The following CMSS1 variants were observed in gnomAD, a reference collection of about 807,000 sequenced individuals.
The protein encoded by CMSS1 is cms1 ribosomal small subunit homolog.
A neutral mutation model predicts 43.5 loss-of-function variants in CMSS1; 33 were observed. The ratio of observed to expected loss-of-function variants is 0.76; its 90% CI spans 0.57 to 1.01. The LOEUF (loss-of-function observed/expected upper bound fraction) is 1.01. CMSS1 is among the 50% of genes least tolerant of loss of function. The pLI is 0.00. For synonymous variants in CMSS1, 115 were observed against 117.2 expected (o/e 0.98, Z 0.12); for missense variants, 313 against 326.4 (o/e 0.96, Z 0.32).
intron 1 of CMSS1, among the ~76,000 whole-genome samples, chr3:99,914,339 T>C (rs1706885436): frequency 6.6e-6 from 1 of 152,168 alleles, no homozygotes; most frequent in African/African-American, 2.4e-5. Flanking sequence ...CTGAATTTGA[T>C]AGGGAAAAGG....
intron 1 of CMSS1, among the ~76,000 whole-genome samples, chr3:100,031,304 T>G (rs187200796): frequency 5.9e-5 from 9 of 152,136 alleles, no homozygotes; most frequent in African/African-American, 2.2e-4. Context: ...CTCCATAGGT[T>G]TAAAACAGTA....
chr3:99,969,290 T>C (rs142865688), intron 1 of CMSS1, among the ~76,000 whole-genome samples: 19 of 152,338 alleles, frequency 1.2e-4, no homozygotes, highest in African/African-American at 4.6e-4. Context: ...CAGAGAAGGA[T>C]GTAGCCTTGT....
chr3:100,121,254 C>A (rs188235812), intron 1 of CMSS1, among the ~76,000 whole-genome samples: 1 of 150,080 alleles, frequency 6.7e-6, no homozygotes, highest in Non-Finnish European at 1.5e-5. Flanking sequence ...CCCCCCACCC[C>A]CCTACAGGCC....
intron 1 of CMSS1, among the ~76,000 whole-genome samples, chr3:100,131,576 C>T (rs1239827864): frequency 2.6e-5 from 4 of 152,162 alleles, no homozygotes; most frequent in Admixed American, 2.6e-4. Context: ...TCTACTGACC[C>T]CCATCCAGCC....
chr3:100,056,318 T>C lies in CMSS1; in HGVS notation c.65-90655T>C, dbSNP rs910388889. On this transcript the variant is annotated intron_variant, in intron 1 of 9. Transcript: ENST00000421999. ...AGTCTCCAATGCATCCTTCCATAAA[T>C]ATTGTTACATTTTCCAGACCTTACA... Among the ~76,000 whole-genome samples, 11 of 152,204 alleles carry C rather than the reference T, an allele frequency of 7.2e-5. 1 individual carries two copies. The highest frequency in any genetic ancestry group is 7.2e-4 in the Admixed American group (11 of 15,290).
intron 1 of CMSS1, among the ~76,000 whole-genome samples, chr3:99,879,314 A>G (rs942943831): frequency 2.0e-5 from 3 of 152,264 alleles, no homozygotes; most frequent in Admixed American, 6.5e-5. Context: ...AGACAGCTTA[A>G]TATCACCAGT....
rs1401634383 is a variant in CMSS1, at chr3:99,975,482, C to T, written c.64+157439C>T. 5.9e-5 allele frequency among the ~76,000 whole-genome samples: 9 copies of T among 152,036 alleles called. No homozygotes were observed. In the East Asian group the frequency reaches 1.7e-3, roughly 29 times the overall value. On this transcript the variant is annotated intron_variant, in intron 1 of 9. Coordinates refer to ENST00000421999, the MANE Select transcript of CMSS1 (RefSeq NM_032359.4). ...TGGCGGGCGCCTGTAATCCCAGCTACTCGGGAGGCTGAGGCAGGAGAATTG... is the reference window on the plus strand; with the variant it reads ...TGGCGGGCGCCTGTAATCCCAGCTATTCGGGAGGCTGAGGCAGGAGAATTG...
At chr3:99,955,955 T>A (rs1467391015) in intron 1 of CMSS1, among the ~76,000 whole-genome samples, 1 of 152,196 alleles carries the variant, frequency 6.6e-6, no homozygotes, top group African/African-American at 2.4e-5. Flanking sequence ...TGTTATGACG[T>A]ATTTACTTGC....
chr3:99,929,747 C>G (rs190967891), intron 1 of CMSS1: 1 of 748,928 alleles, frequency 1.3e-6, no homozygotes, highest in Non-Finnish European at 2.1e-6. Context: ...GCTTTAAGTG[C>G]GTTAGAAAGT....
At chr3:99,943,790 A>G (rs1707923496) in intron 1 of CMSS1, among the ~76,000 whole-genome samples, 1 of 152,224 alleles carries the variant, frequency 6.6e-6, no homozygotes, top group African/African-American at 2.4e-5. Context: ...AATAAACAGC[A>G]TGGTAGACAG....
chr3:99,842,934 T>TG (rs1559652376), intron 1 of CMSS1, among the ~76,000 whole-genome samples: 1 of 152,210 alleles, frequency 6.6e-6, no homozygotes, highest in Non-Finnish European at 1.5e-5. Context: ...GCATTGCCTT[T>TG]GGGGGATGGC....
intron 1 of CMSS1, among the ~76,000 whole-genome samples, chr3:99,956,889 G>A (rs970057970): frequency 1.1e-4 from 17 of 151,932 alleles, no homozygotes; most frequent in East Asian, 7.7e-4. Flanking sequence ...TCCCACCCCC[G>A]ACTTACAGTC....
chr3:99,948,430 C>A (rs1250421380), intron 1 of CMSS1, among the ~76,000 whole-genome samples: 1 of 150,402 alleles, frequency 6.6e-6, no homozygotes, highest in Non-Finnish European at 1.5e-5. Flanking sequence ...CCCATCTACT[C>A]GTGAGGCTGA....
chr3:99,978,872 G>T (rs537840634), intron 1 of CMSS1, among the ~76,000 whole-genome samples: 2 of 151,818 alleles, frequency 1.3e-5, no homozygotes, highest in Non-Finnish European at 2.9e-5. Flanking sequence ...GCAACAGAGC[G>T]AGACTCTTGT....
At chr3:99,891,407 A>G (rs368512083) in intron 1 of CMSS1, among the ~76,000 whole-genome samples, 6 of 152,202 alleles carry the variant, frequency 3.9e-5, no homozygotes, top group African/African-American at 1.4e-4. Context: ...ACATTCTCAA[A>G]GCAAAAACCA....
At chr3:99,830,683 C>G in intron 1 of CMSS1, 1 of 429,640 alleles carries the variant, frequency 2.3e-6, no homozygotes. Flanking sequence ...GACATGGAGT[C>G]AGTTTGGAGG....
chr3:100,122,707 C>T, intron 1 of CMSS1, among the ~76,000 whole-genome samples: 1 of 152,198 alleles, frequency 6.6e-6, no homozygotes. Context: ...GTGTGCCAAA[C>T]CTGGTGTTTT....
intron 1 of CMSS1, among the ~76,000 whole-genome samples, chr3:99,901,067 G>A (rs1706419759): frequency 6.6e-6 from 1 of 152,212 alleles, no homozygotes; most frequent in Admixed American, 6.5e-5. Flanking sequence ...AACATTTGGT[G>A]TGGAATTTAC....
intron 1 of CMSS1, chr3:99,849,445 G>T: frequency 6.2e-7 from 1 of 1,614,056 alleles, no homozygotes; most frequent in Non-Finnish European, 8.5e-7. Context: ...TTGCAGGACT[G>T]AGTGATCTCC....
Sources: gnomAD v4.1 joint callset for allele counts (sites outside exome capture counted in the v4.1 genomes callset) on GRCh38, gnomAD v4.1.1 for gene constraint, MANE v1.5 for transcripts, NCBI Gene and HGNC (gene_info 2026-07-23, HGNC 2026-07-21) for gene names.